B4GALT1: variants seen among roughly 807,000 people sequenced by gnomAD.
B4GALT1 encodes beta-1,4-galactosyltransferase 1, also known as N-acetyllactosamine synthase.
B4GALT1 carries 16 observed loss-of-function variants against 34.9 expected under a neutral mutation model. The ratio of observed to expected loss-of-function variants is 0.46; its 90% CI spans 0.31 to 0.70. The LOEUF (loss-of-function observed/expected upper bound fraction) is 0.70, where lower values mean the gene tolerates loss of function less well. Among genes scored for constraint, B4GALT1 ranks in the 30% least tolerant of loss-of-function variants. The pLI is 0.05. For missense variants in B4GALT1, 445 were observed against 530.5 expected, an observed-to-expected ratio of 0.84 and a Z score of 1.58; for synonymous variants, 221 against 218.1, an observed-to-expected ratio of 1.01 and a Z score of -0.12.
chr9:33,143,060 G>A (rs765224088), intron 1 of B4GALT1, among the ~76,000 whole-genome samples: 3 of 152,170 alleles, frequency 2.0e-5, no homozygotes, highest in African/African-American at 4.8e-5. Context: ...CAGGAGAATC[G>A]CTGGAACCTG....
At chr9:33,174,369 C>G in the B4GALT1 span, 1 of 152,204 alleles carries the variant, frequency 6.6e-6, no homozygotes, top group African/African-American at 2.4e-5. Context: ...AGAATATTCT[C>G]TGGGCATGGT....
At chr9:33,146,098 C>T (rs1229203765) in intron 1 of B4GALT1, among the ~76,000 whole-genome samples, 1 of 152,160 alleles carries the variant, frequency 6.6e-6, no homozygotes, top group African/African-American at 2.4e-5. Flanking sequence ...CTGGGGGTCA[C>T]AAGCTTTTAA....
chr9:33,123,277 CAAAAA>C (rs72342632), intron 2 of B4GALT1, among the ~76,000 whole-genome samples: 8 of 85,704 alleles, frequency 9.3e-5, no homozygotes, highest in Non-Finnish European at 1.2e-4. Context: ...GACACTGTCT[CAAAAA>C]AAAAAAAAAA....
chr9:33,114,277 G>A (rs1003412561), intron 4 of B4GALT1, among the ~76,000 whole-genome samples: 1 of 152,242 alleles, frequency 6.6e-6, no homozygotes, highest in Non-Finnish European at 1.5e-5. Flanking sequence ...GAGCCCAGTT[G>A]AGGATGAACA....
chr9:33,151,510 T>C (rs1840517329), intron 1 of B4GALT1, among the ~76,000 whole-genome samples: 1 of 152,230 alleles, frequency 6.6e-6, no homozygotes, highest in African/African-American at 2.4e-5. Flanking sequence ...AATATCTCTC[T>C]GGTGTCAGGA....
chr9:33,116,235 T>G, intron 3 of B4GALT1, 122 bp from the exon 4 acceptor site: 1 of 1,215,194 alleles, frequency 8.2e-7, no homozygotes, highest in Non-Finnish European at 1.1e-6. Flanking sequence ...CTAGAGTTTT[T>G]ATTTATTTTT....
intron 1 of B4GALT1, among the ~76,000 whole-genome samples, chr9:33,146,062 A>T (rs550856966): frequency 6.6e-6 from 1 of 152,360 alleles, no homozygotes; most frequent in South Asian, 2.1e-4. Context: ...ACAGAAATGC[A>T]AAGCCTTGGG....
intron 4 of B4GALT1, among the ~76,000 whole-genome samples, chr9:33,114,678 A>G (rs2118021408): frequency 6.6e-6 from 1 of 152,354 alleles, no homozygotes; most frequent in South Asian, 2.1e-4. Context: ...TGGTCCAAGG[A>G]AAAGGAATGA....
At chr9:33,156,547 G>A (rs1840596722) in intron 1 of B4GALT1, among the ~76,000 whole-genome samples, 1 of 152,204 alleles carries the variant, frequency 6.6e-6, no homozygotes, top group Admixed American at 6.5e-5. Flanking sequence ...CAGGCACATG[G>A]TGGATGACTA....
At chr9:33,119,942 G>A (rs978621041) in intron 3 of B4GALT1, among the ~76,000 whole-genome samples, 2 of 152,158 alleles carry the variant, frequency 1.3e-5, no homozygotes, top group Non-Finnish European at 2.9e-5. Context: ...CCAGCACTTC[G>A]AGAGGCCAAG....
At chr9:33,148,139 G>A (rs574141511) in intron 1 of B4GALT1, among the ~76,000 whole-genome samples, 150 of 152,230 alleles carry the variant, frequency 9.9e-4, no homozygotes, top group African/African-American at 3.2e-3. Flanking sequence ...AGGAATTCCT[G>A]CATATCTTCA....
At chr9:33,109,815 CTTGTTGGTGGGGAGAAAT>C (rs984154699), downstream of B4GALT1, among the ~76,000 whole-genome samples, 152 of 152,300 alleles carry the variant, frequency 1.0e-3, no homozygotes, top group African/African-American at 3.5e-3. Flanking sequence ...TAGAAAACTG[CTTGTTGGTGGGGAGAAAT>C]CCCTACATAT....
At chr9:33,149,287 CTT>C (rs1280299030) in intron 1 of B4GALT1, among the ~76,000 whole-genome samples, 2 of 146,438 alleles carry the variant, frequency 1.4e-5, no homozygotes, top group Admixed American at 6.8e-5. Flanking sequence ...TATTTATTTA[CTT>C]TTTTTTTTTG....
Position 33,167,083 on chromosome 9 carries a change from G to A in B4GALT1, c.87C>T (p.Val29=). ...GGGTGACGCCAAGGTGCAGAGCGCA[G>A]ACGGCCACGAGCAGGCGGCAGGCCC... ...LQRACRLLVA[V]CALHLGVTLV... Residue 29 remains valine, a synonymous_variant, in exon 1 of 6, where the codon GTC becomes GTT. Transcript: ENST00000379731. 6.2e-7 allele frequency: 1 copy of A among 1,604,428 alleles called. No individual in the cohort carries two copies. Among genetic ancestry groups the A allele is most frequent in the Non-Finnish European group, 8.5e-7 (1 of 1,179,096 alleles).
At chr9:33,108,121 T>G (rs1332648018), downstream of B4GALT1, among the ~76,000 whole-genome samples, 1 of 152,232 alleles carries the variant, frequency 6.6e-6, no homozygotes, top group East Asian at 1.9e-4. Flanking sequence ...GTGCTTATTA[T>G]GAGCCAGGCA....
At chr9:33,135,721 G>A (rs1044366886) in intron 1 of B4GALT1, among the ~76,000 whole-genome samples, 2 of 152,206 alleles carry the variant, frequency 1.3e-5, no homozygotes, top group African/African-American at 2.4e-5. Context: ...TAAAATGGAA[G>A]TAATTTCTAC....
intron 1 of B4GALT1, among the ~76,000 whole-genome samples, chr9:33,150,059 A>G (rs1840487491): frequency 6.6e-6 from 1 of 152,072 alleles, no homozygotes; most frequent in Admixed American, 6.6e-5. Flanking sequence ...CTATGTTTAT[A>G]TATATATTTT....
chr9:33,124,913 C>T (rs1304623551), intron 2 of B4GALT1, among the ~76,000 whole-genome samples: 3 of 152,176 alleles, frequency 2.0e-5, no homozygotes, highest in Non-Finnish European at 4.4e-5. Flanking sequence ...CTCTGGAGGC[C>T]TGTGAAATGC....
At chr9:33,118,180 T>C (rs1018181781) in intron 3 of B4GALT1, among the ~76,000 whole-genome samples, 1 of 152,302 alleles carries the variant, frequency 6.6e-6, no homozygotes, top group East Asian at 1.9e-4. Context: ...CGGAAGGGTA[T>C]AGAAGGATTT....
Sources: gnomAD v4.1 joint callset for allele counts (sites outside exome capture counted in the v4.1 genomes callset) on GRCh38, gnomAD v4.1.1 for gene constraint, MANE v1.5 for transcripts, NCBI Gene and HGNC (gene_info 2026-07-23, HGNC 2026-07-21) for gene names.